The following SMAD3 variants were observed in gnomAD, a reference collection of about 807,000 sequenced individuals.
SMAD3 encodes SMAD family member 3, also known as MAD homolog 3.
SMAD3 carries 12 observed loss-of-function variants against 51.8 expected under a neutral mutation model. The ratio of observed to expected loss-of-function variants is 0.23; its 90% CI spans 0.15 to 0.38. SMAD3 has a LOEUF of 0.38. Among genes scored for constraint, SMAD3 ranks in the 10% least tolerant of loss-of-function variants. The probability of loss-of-function intolerance (pLI) is 1.00; values close to 1 mark genes in which losing one functional copy is unlikely to be tolerated. For missense variants in SMAD3, 294 were observed against 565.6 expected (o/e 0.52, Z 4.87); for synonymous variants, 238 against 227.7 (o/e 1.05, Z -0.41).
intron 1 of SMAD3, among the ~76,000 whole-genome samples, chr15:67,129,451 T>C (rs749106772): frequency 1.7e-4 from 26 of 152,088 alleles, no homozygotes; most frequent in Non-Finnish European, 2.9e-4. Flanking sequence ...ATAACTTTTA[T>C]GATAGTATAT....
chr15:67,076,675 G>A (rs1368755711), intron 1 of SMAD3, among the ~76,000 whole-genome samples: 1 of 152,200 alleles, frequency 6.6e-6, no homozygotes, highest in Non-Finnish European at 1.5e-5. Context: ...CTCTTACTGG[G>A]GCAAGGAGAC....
intron 5 of SMAD3, among the ~76,000 whole-genome samples, chr15:67,171,634 A>G (rs181839043): frequency 1.3e-5 from 2 of 152,188 alleles, no homozygotes; most frequent in African/African-American, 2.4e-5. Context: ...TTGCTTCCAG[A>G]CCTTGACTGA....
At chr15:67,180,972 CTAAATAAATAAA>C (rs60300820) in intron 5 of SMAD3, among the ~76,000 whole-genome samples, 8 of 145,856 alleles carry the variant, frequency 5.5e-5, no homozygotes, top group African/African-American at 1.5e-4. Flanking sequence ...CCTTTATGAG[CTAAATAAATAAA>C]TAAATAAATA....
chr15:67,184,396 C>T (rs527274166), intron 6 of SMAD3, among the ~76,000 whole-genome samples: 6 of 152,172 alleles, frequency 3.9e-5, no homozygotes, highest in African/African-American at 1.4e-4. Context: ...TGTGAGCCAC[C>T]GCGCCTGGCC....
At chr15:67,074,029 C>T (rs1052991420) in intron 1 of SMAD3, among the ~76,000 whole-genome samples, 1 of 152,214 alleles carries the variant, frequency 6.6e-6, no homozygotes, top group African/African-American at 2.4e-5. Flanking sequence ...CAGTGAATGA[C>T]AGATCTTTCT....
In SMAD3 at chr15:67,184,713, C is replaced by G; in HGVS notation, c.872-14C>G. The G allele has an allele frequency of 6.2e-7, 1 of 1,613,926 alleles. No homozygotes were observed. The highest frequency in any genetic ancestry group is 8.5e-7 in the Non-Finnish European group (1 of 1,180,038). On this transcript the variant is annotated splice_polypyrimidine_tract_variant and intron_variant, in intron 6 of 8. Coordinates refer to ENST00000327367, the MANE Select transcript of SMAD3 (RefSeq NM_005902.4). ...GCAAAGGCACCCTGTCCAGTCTAAC[C>G]TGAATCTCTGTAGGAAGAGGCGTGC...
chr15:67,096,876 G>A (rs1343395792), intron 1 of SMAD3, among the ~76,000 whole-genome samples: 1 of 152,184 alleles, frequency 6.6e-6, no homozygotes, highest in African/African-American at 2.4e-5. Context: ...AAGCTTCCAG[G>A]TGGTGGTGGC....
At chr15:67,096,346 A>G (rs28417316) in intron 1 of SMAD3, among the ~76,000 whole-genome samples, 8,314 of 152,250 alleles carry the variant, frequency 0.055, 259 homozygotes, top group East Asian at 0.087. Flanking sequence ...AGCTTTATGG[A>G]TGTTTCTCTG....
At chr15:67,166,707 G>C (rs2140296682) in intron 3 of SMAD3, 72 bp from the exon 4 acceptor site, 1 of 983,818 alleles carries the variant, frequency 1.0e-6, no homozygotes, top group East Asian at 2.6e-5. Context: ...CATGTGTGAT[G>C]TCTTTGCAAA....
At chr15:67,103,718 G>A (rs72743436) in intron 1 of SMAD3, among the ~76,000 whole-genome samples, 32,653 of 152,166 alleles carry the variant, frequency 0.21, 3,987 homozygotes, top group Non-Finnish European at 0.28. Context: ...TAAGCACATA[G>A]CACAACAAGG....
intron 1 of SMAD3, among the ~76,000 whole-genome samples, chr15:67,084,459 C>G (rs548538992): frequency 6.6e-6 from 1 of 152,110 alleles, no homozygotes; most frequent in East Asian, 1.9e-4. Context: ...CATATATTTT[C>G]CTGGGGGACA....
At chr15:67,140,907 G>A (rs552995574) in intron 1 of SMAD3, among the ~76,000 whole-genome samples, 3 of 152,318 alleles carry the variant, frequency 2.0e-5, no homozygotes, top group Admixed American at 1.3e-4. Context: ...GTCGGCATCA[G>A]ACAGTAGCAA....
intron 1 of SMAD3, among the ~76,000 whole-genome samples, chr15:67,086,241 G>A (rs1960390394): frequency 6.6e-6 from 1 of 152,098 alleles, no homozygotes; most frequent in African/African-American, 2.4e-5. Context: ...GGATTCTAGG[G>A]GCTGTGAAGG....
chr15:67,115,614 C>T (rs757076526), intron 1 of SMAD3, among the ~76,000 whole-genome samples: 5 of 151,196 alleles, frequency 3.3e-5, no homozygotes, highest in African/African-American at 4.9e-5. Context: ...GCCCTCTGGG[C>T]CGTGATTCCC....
intron 1 of SMAD3, among the ~76,000 whole-genome samples, chr15:67,091,218 T>C (rs1960501637): frequency 2.0e-5 from 3 of 152,216 alleles, no homozygotes; most frequent in African/African-American, 7.2e-5. Context: ...TGAACATCTT[T>C]GCGTATTATT....
At chr15:67,170,431 C>T in intron 4 of SMAD3, 123 bp from the exon 5 acceptor site, 1 of 813,610 alleles carries the variant, frequency 1.2e-6, no homozygotes. Flanking sequence ...CCTGGGACCC[C>T]TCAGTCCAGG....
chr15:67,168,448 G>A (rs1041492337), intron 4 of SMAD3, among the ~76,000 whole-genome samples: 4 of 152,246 alleles, frequency 2.6e-5, no homozygotes, highest in Admixed American at 6.5e-5. Flanking sequence ...CAAGCTTGCA[G>A]CTATTCAGTG....
intron 1 of SMAD3, among the ~76,000 whole-genome samples, chr15:67,117,002 C>G (rs1484248545): frequency 6.6e-6 from 1 of 152,174 alleles, no homozygotes; most frequent in Non-Finnish European, 1.5e-5. Flanking sequence ...CCATTCTGGA[C>G]TACTTCACCC....
At chr15:67,127,622 G>C (rs888895825) in intron 1 of SMAD3, among the ~76,000 whole-genome samples, 1 of 152,184 alleles carries the variant, frequency 6.6e-6, no homozygotes, top group Non-Finnish European at 1.5e-5. Flanking sequence ...TACATGTTCC[G>C]TGTCTTCTGT....
Sources: gnomAD v4.1 joint callset for allele counts (sites outside exome capture counted in the v4.1 genomes callset) on GRCh38, gnomAD v4.1.1 for gene constraint, MANE v1.5 for transcripts, NCBI Gene and HGNC (gene_info 2026-07-23, HGNC 2026-07-21) for gene names.